Variants in CROT observed in about 807,000 individuals in gnomAD.
The protein encoded by CROT is peroxisomal carnitine O-octanoyltransferase.
Under a neutral mutation model 89.2 loss-of-function variants are expected in CROT, and 84 were observed. The ratio of observed to expected loss-of-function variants is 0.94; its 90% CI spans 0.79 to 1.13. The LOEUF is 1.13. Ranked by LOEUF, CROT falls within the 50% of genes most tolerant of loss-of-function variation. The probability of loss-of-function intolerance (pLI) is 0.00; values close to 1 mark genes in which losing one functional copy is unlikely to be tolerated. For synonymous variants in CROT, 212 were observed against 239.5 expected (o/e 0.89, Z 1.06); for missense variants, 711 against 727.8 (o/e 0.98, Z 0.27).
intron 6 of CROT, among the ~76,000 whole-genome samples, chr7:87,362,830 C>T (rs1806326639): frequency 6.6e-6 from 1 of 152,040 alleles, no homozygotes; most frequent in African/African-American, 2.4e-5. Flanking sequence ...GCCAATCATG[C>T]TCATAGTATG....
rs768934352 is a variant in CROT at position 87,382,479 on chromosome 7, A to T, written c.1237A>T (p.Met413Leu). The T allele has an allele frequency of 1.7e-5, 28 of 1,613,870 alleles. No individual in the cohort carries two copies. The highest frequency in any genetic ancestry group is 2.2e-5 in the Non-Finnish European group (26 of 1,179,902). ...SFGKKLTKNK[M>L]LHPDTFIQLA... Reference sequence around the variant, plus strand: ...TGGCAAAAAGCTAACCAAGAACAAGATGCTTCACCCGGATACGTTTATTCA... The same window carrying T: ...TGGCAAAAAGCTAACCAAGAACAAGTTGCTTCACCCGGATACGTTTATTCA... The change falls in exon 13 of 18, where the codon ATG becomes TTG. Residue 413 changes from methionine (M) to leucine (L), a missense_variant. Transcript: ENST00000331536.
intron 9 of CROT, among the ~76,000 whole-genome samples, chr7:87,376,971 A>G (rs73196416): frequency 0.048 from 7,362 of 152,196 alleles, 221 homozygotes; most frequent in Middle Eastern, 0.061. Context: ...GTAGGAAACG[A>G]ATTCTTAAAA....
chr7:87,375,826 A>G lies in CROT; in HGVS notation c.751-2A>G. The stretch of plus-strand genomic sequence containing the variant: ...TTTGATCATCATCTCCTTGCCCTTT[A>G]GGCACGAGAATATCTGATTGGTCTT... On this transcript the variant is annotated splice_acceptor_variant, in intron 8 of 17. Transcript: ENST00000331536. LOFTEE classifies it high-confidence loss of function. The G allele has an allele frequency of 6.2e-7, 1 of 1,613,354 alleles. No individual in the cohort carries two copies.
chr7:87,375,880 A>C lies in CROT; in HGVS notation c.803A>C (p.Lys268Thr). Residue 268 changes from lysine to threonine, a missense_variant, in exon 9 of 18, where the codon AAA (lysine) becomes ACA (threonine). Transcript: ENST00000331536. ...LDPENLALLE[K>T]IQSSLLVYSM... ...CCAGAGAACTTGGCTTTGTTAGAAA[A>C]AATTCAGAGTAGTTTACTGGTATAT... The C allele has an allele frequency of 6.2e-7, 1 of 1,613,600 alleles. No homozygotes were observed. Among genetic ancestry groups the C allele is most frequent in the East Asian group, 2.2e-5 (1 of 44,858 alleles).
rs755056671 is a variant in CROT at position 87,381,951 on chromosome 7, T to C, written c.1020T>C (p.Tyr340=). The part of the protein sequence containing the change: ...FDAMIMVNIS[Y]YVDEKIFQNE... ...CAATGATTATGGTGAACATCAGTTA[T>C]TATGTGGATGAGAAAATTTTTCAGA... The change falls in exon 11 of 18, where the codon TAT becomes TAC. Residue 340 remains tyrosine, a synonymous_variant. Coordinates refer to ENST00000331536, the MANE Select transcript of CROT (RefSeq NM_021151.4). 2.5e-5 allele frequency: 41 copies of C among 1,611,170 alleles called. No homozygotes were observed. In the South Asian group the frequency reaches 4.2e-4, roughly 17 times the overall value.
chr7:87,353,991 A>G (rs573589926), intron 3 of CROT, among the ~76,000 whole-genome samples: 1 of 152,364 alleles, frequency 6.6e-6, no homozygotes, highest in African/African-American at 2.4e-5. Flanking sequence ...GTAGTGATTA[A>G]TTTTTATAAC....
At position 87,398,893 on chromosome 7, in the gene CROT, A is replaced by G. The variant is rs1020362672; in HGVS notation, c.*249A>G. On this transcript the variant is annotated 3_prime_UTR_variant, in exon 18 of 18. Coordinates refer to ENST00000331536, the MANE Select transcript of CROT (RefSeq NM_021151.4). ...ATTATGACATAGTGAATATAGAACT[A>G]TGCAGTATTTAAGCCTCAACAATCC... 2 of 430,184 alleles carry G rather than the reference A, an allele frequency of 4.6e-6. No individual in the cohort carries two copies. Among genetic ancestry groups the G allele is most frequent in the African/African-American group, 2.0e-5 (1 of 49,150 alleles). The allele number at this position is 430,184 out of a possible 1,614,324, so 26.6% of individuals were successfully genotyped here.
At chr7:87,375,599 C>T (rs1806784319) in intron 7 of CROT, 33 bp from the exon 8 acceptor site, 1 of 1,524,908 alleles carries the variant, frequency 6.6e-7, no homozygotes, top group Non-Finnish European at 9.1e-7. Context: ...TCTGCCTGTA[C>T]TCTTTTTTAA....
chr7:87,349,146 T>C lies in CROT; in HGVS notation c.78T>C (p.Pro26=), dbSNP rs575414855. 4 of 1,601,730 alleles carry C rather than the reference T, an allele frequency of 2.5e-6. No individual in the cohort carries two copies. Among genetic ancestry groups the C allele is most frequent in the Non-Finnish European group, 3.4e-6 (4 of 1,171,702 alleles). The part of the protein sequence containing the change: ...YQDSLPSLPV[P]SLEESLKKYL... ...ATTCTCTTCCATCACTGCCTGTTCCTTCACTTGAAGAATCATTAAAAAAAT... is the reference window on the plus strand; with the variant it reads ...ATTCTCTTCCATCACTGCCTGTTCCCTCACTTGAAGAATCATTAAAAAAAT... Residue 26 remains proline, a synonymous_variant, in exon 3 of 18, where the codon CCT becomes CCC. Coordinates refer to ENST00000331536, the MANE Select transcript of CROT (RefSeq NM_021151.4).
intron 10 of CROT, among the ~76,000 whole-genome samples, chr7:87,379,864 A>G (rs1806935886): frequency 6.6e-6 from 1 of 152,188 alleles, no homozygotes; most frequent in Admixed American, 6.5e-5. Flanking sequence ...CTATAATCCC[A>G]GCACTTTGGG....
chr7:87,384,144 T>C (rs2116062836), intron 13 of CROT, among the ~76,000 whole-genome samples: 1 of 152,318 alleles, frequency 6.6e-6, no homozygotes, highest in South Asian at 2.1e-4. Flanking sequence ...TGTCTCATTG[T>C]AGTTTTAATT....
chr7:87,391,755 T>C, intron 14 of CROT, 43 bp downstream of exon 14: 1 of 1,583,898 alleles, frequency 6.3e-7, no homozygotes, highest in Non-Finnish European at 8.5e-7. Context: ...TTTGTTTAAT[T>C]GTTCTAAAGG....
chr7:87,375,827 G>A lies in CROT; in HGVS notation c.751-1G>A, dbSNP rs545807062. 119 of 1,613,312 alleles carry A rather than the reference G, an allele frequency of 7.4e-5. 2 individuals are homozygous for A. The South Asian group carries it at 1.3e-3, about 17-fold the overall frequency. On this transcript the variant is annotated splice_acceptor_variant, in intron 8 of 17. Coordinates refer to ENST00000331536, the MANE Select transcript of CROT (RefSeq NM_021151.4). LOFTEE classifies it high-confidence loss of function. ...TTGATCATCATCTCCTTGCCCTTTAGGCACGAGAATATCTGATTGGTCTTG... is the reference window on the plus strand; with the variant it reads ...TTGATCATCATCTCCTTGCCCTTTAAGCACGAGAATATCTGATTGGTCTTG...
chr7:87,355,169 G>A (rs905055955), intron 3 of CROT, among the ~76,000 whole-genome samples: 5 of 150,808 alleles, frequency 3.3e-5, no homozygotes, highest in Admixed American at 1.3e-4. Context: ...GCAAATTCAC[G>A]GCTCATTGCA....
chr7:87,346,040 C>T (rs1805658363), intron 1 of CROT, among the ~76,000 whole-genome samples: 1 of 152,140 alleles, frequency 6.6e-6, no homozygotes, highest in African/African-American at 2.4e-5. Flanking sequence ...GCCCTCTGCT[C>T]CTGCTTCTAC....
chr7:87,359,449 T>C, intron 4 of CROT, 119 bp downstream of exon 4: 1 of 1,435,684 alleles, frequency 7.0e-7, no homozygotes, highest in South Asian at 1.5e-5. Context: ...GTTATTTTCA[T>C]AATCCAAAAG....
intron 13 of CROT, among the ~76,000 whole-genome samples, chr7:87,390,303 T>C (rs1440666646): frequency 6.6e-6 from 1 of 152,220 alleles, no homozygotes; most frequent in African/African-American, 2.4e-5. Flanking sequence ...AAAAGTTTAC[T>C]CCCTGAATTT....
At position 87,375,646 on chromosome 7, in the gene CROT, TCCA is replaced by T. The variant is rs1310078034; in HGVS notation, c.673_675del (p.His225del). On this transcript the variant is annotated inframe_deletion, in exon 8 of 18. Coordinates refer to ENST00000331536, the MANE Select transcript of CROT (RefSeq NM_021151.4). The stretch of plus-strand genomic sequence containing the variant: ...TCTTCCATAAGACAACTGACATATA[TCCA>T]CAAGAAGTGCCATAGTGAACCTGAT... 1.9e-6 allele frequency: 3 copies of T among 1,612,876 alleles called. No individual in the cohort carries two copies. Among genetic ancestry groups the T allele is most frequent in the Non-Finnish European group, 2.5e-6 (3 of 1,178,990 alleles).
At chr7:87,391,788 A>C in intron 14 of CROT, 76 bp downstream of exon 14, 2 of 1,413,466 alleles carry the variant, frequency 1.4e-6, no homozygotes, top group Non-Finnish European at 1.9e-6. Flanking sequence ...TGAGTAACTA[A>C]CTTCTTTGCT....
Sources: gnomAD v4.1 joint callset for allele counts (sites outside exome capture counted in the v4.1 genomes callset) on GRCh38, gnomAD v4.1.1 for gene constraint, MANE v1.5 for transcripts, NCBI Gene and HGNC (gene_info 2026-07-23, HGNC 2026-07-21) for gene names.